SH2D1B: variants seen among roughly 807,000 people sequenced by gnomAD.
The protein encoded by SH2D1B is SH2 domain-containing protein 1B.
In SH2D1B, 11 loss-of-function variants were observed where a neutral mutation model predicts 16.3. The ratio of observed to expected loss-of-function variants is 0.67; its 90% CI spans 0.42 to 1.11. The LOEUF (loss-of-function observed/expected upper bound fraction) is 1.11, where lower values mean the gene tolerates loss of function less well. SH2D1B is among the 50% of genes most tolerant of loss of function. The pLI is 0.00. For missense variants in SH2D1B, 123 were observed against 153.1 expected (o/e 0.80, Z 1.04); for synonymous variants, 55 against 56.1 (o/e 0.98, Z 0.09).
Position 162,408,414 on chromosome 1 carries a change from C to CTTT in SH2D1B, c.134+3466_134+3468dup, listed in dbSNP as rs34627792. Among the ~76,000 whole-genome samples, 1,266 of 128,184 alleles carry CTTT rather than the reference C, an allele frequency of 9.9e-3. 23 individuals are homozygous for CTTT. The highest frequency in any genetic ancestry group is 0.02 in the East Asian group (86 of 4,384). The allele number at this position is 128,184 out of a possible 152,430, so 84.1% of individuals were successfully genotyped here. A position where few individuals can be genotyped will look rare whatever the true frequency, so the allele number is the denominator to read the frequency against. On this transcript the variant is annotated intron_variant, in intron 1 of 3. Transcript: ENST00000367929. ...TTTTTAGCTTCTCTTTTTTTCTCTTCTTTTTTTTTTTTTTTTTGAGATCAA... is the reference window on the plus strand; with the variant it reads ...TTTTTAGCTTCTCTTTTTTTCTCTTCTTTTTTTTTTTTTTTTTTTTGAGATCAA...
At chr1:162,403,676 T>G (rs570841335) in intron 1 of SH2D1B, among the ~76,000 whole-genome samples, 20 of 137,932 alleles carry the variant, frequency 1.4e-4, no homozygotes, top group African/African-American at 5.7e-4. Flanking sequence ...CAACCTAACT[T>G]GATTAATAGA....
intron 2 of SH2D1B, among the ~76,000 whole-genome samples, chr1:162,399,427 G>A (rs1348331605): frequency 6.6e-6 from 1 of 152,130 alleles, no homozygotes; most frequent in Non-Finnish European, 1.5e-5. Context: ...ACCTACAGGC[G>A]GGCTTTGCTA....
At chr1:162,402,347 C>T (rs1648535769) in intron 2 of SH2D1B, 1 of 158,532 alleles carries the variant, frequency 6.3e-6, no homozygotes, top group African/African-American at 2.4e-5. Context: ...CCCTTCTCTA[C>T]TGAAAATACA....
chr1:162,400,457 A>ATTTTTTTTTTT (rs34822047), intron 2 of SH2D1B, among the ~76,000 whole-genome samples: 370 of 110,698 alleles, frequency 3.3e-3, no homozygotes, highest in Middle Eastern at 5.6e-3. Context: ...TACCTGGCTA[A>ATTTTTTTTTTT]TTTTTTTTTT....
chr1:162,403,736 AC>A lies in SH2D1B; in HGVS notation c.135-935del, dbSNP rs1648587582. The stretch of plus-strand genomic sequence containing the variant: ...CACACACACACACACACACACACAC[AC>A]ACACAATGGAATATTATTCAGCCAT... On this transcript the variant is annotated intron_variant, in intron 1 of 3. Coordinates refer to ENST00000367929, the MANE Select transcript of SH2D1B (RefSeq NM_053282.5). Among the ~76,000 whole-genome samples, 2 of 136,564 alleles carry A rather than the reference AC, an allele frequency of 1.5e-5. 1 individual carries two copies. The highest frequency in any genetic ancestry group is 5.2e-5 in the African/African-American group (2 of 38,326). The allele number at this position is 136,564 out of a possible 152,430, so 89.6% of individuals were successfully genotyped here. A position where few individuals can be genotyped will look rare whatever the true frequency, so the allele number is the denominator to read the frequency against.
chr1:162,399,795 A>G (rs928707728), intron 2 of SH2D1B, among the ~76,000 whole-genome samples: 2 of 152,188 alleles, frequency 1.3e-5, no homozygotes, highest in African/African-American at 2.4e-5. Flanking sequence ...TGCTAAACAT[A>G]ATGGCCTCCA....
chr1:162,407,471 A>G (rs1249299704), intron 1 of SH2D1B, among the ~76,000 whole-genome samples: 5 of 152,246 alleles, frequency 3.3e-5, no homozygotes, highest in African/African-American at 4.8e-5. Flanking sequence ...TAGGCAAGCT[A>G]TTAAATAAGA....
chr1:162,405,928 C>T (rs962670649), intron 1 of SH2D1B, among the ~76,000 whole-genome samples: 4 of 152,182 alleles, frequency 2.6e-5, no homozygotes, highest in African/African-American at 9.7e-5. Flanking sequence ...CATGTTGTGG[C>T]CATTGTTGTG....
At chr1:162,410,739 C>T (rs371200724) in intron 1 of SH2D1B, among the ~76,000 whole-genome samples, 109 of 151,390 alleles carry the variant, frequency 7.2e-4, no homozygotes, top group African/African-American at 2.6e-3. Context: ...TCACTGCAAC[C>T]TCCACCACCC....
intron 1 of SH2D1B, among the ~76,000 whole-genome samples, chr1:162,407,804 A>G (rs1354576455): frequency 6.6e-6 from 1 of 152,194 alleles, no homozygotes; most frequent in Non-Finnish European, 1.5e-5. Context: ...CATTTTCATC[A>G]TATTTTCTCC....
At position 162,397,790 on chromosome 1, in the gene SH2D1B, A is replaced by G. The variant is rs987856521; in HGVS notation, c.364-475T>C. ...ATTTATGATTCTTTTCTCATTGTTG[A>G]GACAAATGCTACCACCACCCCAACC... On this transcript the variant is annotated intron_variant, in intron 3 of 3. Transcript: ENST00000367929. Among the ~76,000 whole-genome samples, 3 of 152,180 alleles carry G rather than the reference A, an allele frequency of 2.0e-5. No homozygotes were observed. The East Asian group carries it at 5.8e-4, about 29-fold the overall frequency.
Position 162,395,373 on chromosome 1 carries a change from T to C in SH2D1B, c.*1907A>G, listed in dbSNP as rs988865694. ...GATTAGAGATAGAAAAAAATCACAA[T>C]AAATGTCAAAATATTTCTAGTAAAA... is the stretch of plus-strand genomic sequence containing the variant. On this transcript the variant is annotated 3_prime_UTR_variant, in exon 4 of 4. Transcript: ENST00000367929. 1.3e-5 allele frequency: 2 copies of C among 152,090 alleles called. No individual in the cohort carries two copies. The highest frequency in any genetic ancestry group is 4.8e-5 in the African/African-American group (2 of 41,430). 9.4% of individuals were successfully genotyped at this position (152,090 alleles called of 1,614,324 possible).
At position 162,398,954 on chromosome 1, in the gene SH2D1B, C is replaced by T; in HGVS notation, c.332G>A (p.Arg111Lys). 1 of 1,613,662 alleles carries T rather than the reference C, an allele frequency of 6.2e-7. No individual in the cohort carries two copies. The highest frequency in any genetic ancestry group is 8.5e-7 in the Non-Finnish European group (1 of 1,179,688). The change falls in exon 3 of 4, where the codon AGA becomes AAA. Residue 111 changes from arginine (R) to lysine (K), a missense_variant. Transcript: ENST00000367929. ...TGTTTCCAACTCTAATTTCAATCCT[C>T]TCCATCTCAAGCTGGGGCTGGTTCT... Reference protein sequence around the residue: ...IKRTSPSLRWRGLKLELETFV... With the variant: ...IKRTSPSLRWKGLKLELETFV...
chr1:162,403,298 G>A (rs1648566551), intron 1 of SH2D1B, among the ~76,000 whole-genome samples: 2 of 151,472 alleles, frequency 1.3e-5, no homozygotes, highest in Admixed American at 1.3e-4. Flanking sequence ...AGACCAGCCT[G>A]GCCAACATAG....
At position 162,395,548 on chromosome 1, in the gene SH2D1B, TG is replaced by T. The variant is rs1335498111; in HGVS notation, c.*1731del. On this transcript the variant is annotated 3_prime_UTR_variant, in exon 4 of 4. Coordinates refer to ENST00000367929, the MANE Select transcript of SH2D1B (RefSeq NM_053282.5). The stretch of plus-strand genomic sequence containing the variant: ...AATGTATACAGGAGGCCCTAACCAA[TG>T]GGTAAACATAAAAAATAAATGAGCA... The T allele has an allele frequency of 6.6e-6, 1 of 152,008 alleles. No individual in the cohort carries two copies. Among genetic ancestry groups the T allele is most frequent in the African/African-American group, 2.4e-5 (1 of 41,376 alleles). 9.4% of individuals were successfully genotyped at this position (152,008 alleles called of 1,614,324 possible).
chr1:162,401,582 A>G (rs1648518177), intron 2 of SH2D1B, among the ~76,000 whole-genome samples: 1 of 152,180 alleles, frequency 6.6e-6, no homozygotes. Context: ...ATACTTCAGT[A>G]TTTCTTCAAA....
At chr1:162,402,581 G>T in intron 2 of SH2D1B, 158 bp downstream of exon 2, 1 of 596,416 alleles carries the variant, frequency 1.7e-6, no homozygotes, top group East Asian at 2.8e-5. Context: ...TTTCTCTTCA[G>T]GGAAAAACCA....
chr1:162,411,266 T>C (rs527603086), intron 1 of SH2D1B, among the ~76,000 whole-genome samples: 3 of 152,314 alleles, frequency 2.0e-5, no homozygotes, highest in Non-Finnish European at 4.4e-5. Flanking sequence ...TGGAATTTCA[T>C]GTTTAACTTA....
chr1:162,408,398 TCTCTTTTTTTCTC>T (rs1365534621), intron 1 of SH2D1B, among the ~76,000 whole-genome samples: 1 of 149,026 alleles, frequency 6.7e-6, no homozygotes, highest in East Asian at 2.0e-4. Flanking sequence ...TTTTTTAGCT[TCTCTTTTTTTCTC>T]TTCTTTTTTT....
Sources: gnomAD v4.1 joint callset for allele counts (sites outside exome capture counted in the v4.1 genomes callset) on GRCh38, gnomAD v4.1.1 for gene constraint, MANE v1.5 for transcripts, NCBI Gene and HGNC (gene_info 2026-07-23, HGNC 2026-07-21) for gene names.